The following RBFOX1 variants were observed in gnomAD, a reference collection of about 807,000 sequenced individuals.
RBFOX1 encodes the protein RNA binding fox-1 homolog 1, also known as RNA binding protein fox-1 homolog 1.
A neutral mutation model predicts 57.7 loss-of-function variants in RBFOX1; 8 were observed. The ratio of observed to expected loss-of-function variants is 0.14; its 90% CI spans 0.08 to 0.25. The LOEUF (loss-of-function observed/expected upper bound fraction) is 0.25, where lower values mean the gene tolerates loss of function less well. Among genes scored for constraint, RBFOX1 ranks in the 10% least tolerant of loss-of-function variants. The pLI, the probability that RBFOX1 is intolerant of heterozygous loss-of-function variation, is 1.00. For synonymous variants in RBFOX1, 326 were observed against 222.4 expected (o/e 1.47, Z -4.15); for missense variants, 611 against 548.5 (o/e 1.11, Z -1.14).
intron 2 of RBFOX1, among the ~76,000 whole-genome samples, chr16:5,592,364 G>A (rs1267182345): frequency 6.6e-6 from 1 of 151,078 alleles, no homozygotes; most frequent in Non-Finnish European, 1.5e-5. Context: ...GAGGCTTTTG[G>A]TTTGGGGGTC....
chr16:6,966,520 G>A (rs960574255), intron 3 of RBFOX1, among the ~76,000 whole-genome samples: 3 of 152,078 alleles, frequency 2.0e-5, no homozygotes, highest in African/African-American at 7.2e-5. Flanking sequence ...GGCGGACGGG[G>A]GAAGACTGAG....
chr16:6,298,591 A>AGG (rs2078418985), intron 1 of RBFOX1, among the ~76,000 whole-genome samples: 1 of 152,170 alleles, frequency 6.6e-6, no homozygotes, highest in Admixed American at 6.5e-5. Flanking sequence ...AGCAGATCCT[A>AGG]ATGGGTTCAG....
At chr16:7,694,986 T>G (rs536549619) in intron 14 of RBFOX1, among the ~76,000 whole-genome samples, 1 of 152,292 alleles carries the variant, frequency 6.6e-6, no homozygotes, top group Non-Finnish European at 1.5e-5. Flanking sequence ...CCCCGTGACT[T>G]AAACCCTGCC....
intron 4 of RBFOX1, chr16:7,332,819 C>T (rs1355935141): frequency 5.4e-5 from 76 of 1,419,658 alleles, no homozygotes; most frequent in Non-Finnish European, 6.4e-5. Context: ...AAAACTTTCA[C>T]ATTAAGAGTT....
chr16:5,714,952 TAACTA>T (rs1198543458), intron 3 of RBFOX1, among the ~76,000 whole-genome samples: 2 of 152,310 alleles, frequency 1.3e-5, no homozygotes, highest in African/African-American at 4.8e-5. Context: ...GATGAATGAG[TAACTA>T]TACTTCCAGT....
intron 14 of RBFOX1, among the ~76,000 whole-genome samples, chr16:7,697,922 C>A (rs1000513772): frequency 6.6e-6 from 1 of 152,126 alleles, no homozygotes; most frequent in Non-Finnish European, 1.5e-5. Flanking sequence ...CTTGGCTTGT[C>A]CCCTTCAGGC....
At chr16:5,893,937 G>A (rs563021516) in intron 4 of RBFOX1, among the ~76,000 whole-genome samples, 31 of 152,240 alleles carry the variant, frequency 2.0e-4, no homozygotes, top group South Asian at 1.2e-3. Flanking sequence ...AGCCATGTCC[G>A]TCATTCTAAG....
intron 5 of RBFOX1, among the ~76,000 whole-genome samples, chr16:7,543,020 C>T (rs1273982883): frequency 6.6e-6 from 1 of 152,152 alleles, no homozygotes; most frequent in African/African-American, 2.4e-5. Flanking sequence ...GGTTGCATCT[C>T]AGTGAATGTT....
chr16:7,316,286 A>G (rs756620617), intron 4 of RBFOX1, among the ~76,000 whole-genome samples: 1 of 152,240 alleles, frequency 6.6e-6, no homozygotes, highest in Admixed American at 6.5e-5. Context: ...TGAGAGTTAC[A>G]TGGTACTATT....
Position 5,851,627 on chromosome 16 carries a change from C to T in RBFOX1, c.319-15676C>T, listed in dbSNP as rs146619597. ...AATTTTGAGATTGCAATGGGGAGAG[C>T]AGAGATGGCTATGGCGAAACATAAA... On this transcript the variant is annotated intron_variant, in intron 3 of 19. Transcript: ENST00000641259. Among the ~76,000 whole-genome samples, 245 of 152,320 alleles carry T rather than the reference C, an allele frequency of 1.6e-3. 3 individuals carry two copies. The highest frequency in any genetic ancestry group is 5.7e-3 in the African/African-American group (239 of 41,582).
intron 3 of RBFOX1, among the ~76,000 whole-genome samples, chr16:6,811,418 T>C (rs1009574967): frequency 6.6e-6 from 1 of 152,254 alleles, no homozygotes; most frequent in East Asian, 1.9e-4. Flanking sequence ...TTTTAATGTT[T>C]CATTGGCTAT....
chr16:7,311,402 TG>T (rs2096303364), intron 4 of RBFOX1, among the ~76,000 whole-genome samples: 1 of 151,966 alleles, frequency 6.6e-6, no homozygotes, highest in Non-Finnish European at 1.5e-5. Flanking sequence ...TAGAAGCAAC[TG>T]TAGGATTTAA....
chr16:6,786,060 T>G (rs1237435201), intron 3 of RBFOX1, among the ~76,000 whole-genome samples: 1 of 152,192 alleles, frequency 6.6e-6, no homozygotes, highest in Non-Finnish European at 1.5e-5. Flanking sequence ...GGGGAGGATG[T>G]ACCTGGGGCA....
intron 1 of RBFOX1, among the ~76,000 whole-genome samples, chr16:5,355,364 T>A (rs2065361838): frequency 6.6e-6 from 1 of 152,178 alleles, no homozygotes. Context: ...TGTGGATTCC[T>A]GGAGGACACG....
intron 2 of RBFOX1, among the ~76,000 whole-genome samples, chr16:6,362,485 C>A (rs1213926750): frequency 6.6e-6 from 1 of 152,126 alleles, no homozygotes; most frequent in African/African-American, 2.4e-5. Context: ...GCCACCTGCT[C>A]GTATGTCATC....
At position 6,603,804 on chromosome 16, in the gene RBFOX1, G is replaced by A. The variant is rs142632994; in HGVS notation, c.-63-50799G>A. The stretch of plus-strand genomic sequence containing the variant: ...TCATTGGCTGCCTTTTTTATTTCTC[G>A]TCCTGCTGTTTGGGTACTTTATAGA... On this transcript the variant is annotated intron_variant, in intron 2 of 15. Transcript: ENST00000550418. 3.5e-3 allele frequency among the ~76,000 whole-genome samples: 538 copies of A among 152,144 alleles called. 2 individuals carry two copies. Among genetic ancestry groups the A allele is most frequent in the African/African-American group, 0.012 (485 of 41,480 alleles).
chr16:5,786,163 C>T (rs953421114), intron 3 of RBFOX1, among the ~76,000 whole-genome samples: 1 of 152,194 alleles, frequency 6.6e-6, no homozygotes, highest in South Asian at 2.1e-4. Flanking sequence ...CCAGAAGACA[C>T]CTGCCTCCAC....
chr16:7,072,785 G>A (rs1452800696), intron 4 of RBFOX1, among the ~76,000 whole-genome samples: 4 of 152,176 alleles, frequency 2.6e-5, no homozygotes, highest in African/African-American at 9.7e-5. Flanking sequence ...TCAGAGAATC[G>A]GAGACATGTG....
At chr16:6,334,524 A>AAT in intron 2 of RBFOX1, among the ~76,000 whole-genome samples, 1 of 151,592 alleles carries the variant, frequency 6.6e-6, no homozygotes, top group South Asian at 2.1e-4. Context: ...AAAAAAAAAA[A>AAT]TCAAAGAAAT....
Sources: allele counts gnomAD v4.1 joint callset (sites outside exome capture counted in the v4.1 genomes callset), GRCh38; gene constraint gnomAD v4.1.1; transcripts MANE v1.5; gene names NCBI Gene and HGNC (gene_info 2026-07-23, HGNC 2026-07-21).